The following ADAM12 variants were observed in gnomAD, a reference collection of about 807,000 sequenced individuals.
ADAM12 encodes the protein disintegrin and metalloproteinase domain-containing protein 12.
A neutral mutation model predicts 106.4 loss-of-function variants in ADAM12; 70 were observed. That is an observed-to-expected ratio of 0.66 (90% confidence interval 0.54 to 0.80). The LOEUF (loss-of-function observed/expected upper bound fraction) is 0.80. Among genes scored for constraint, ADAM12 ranks in the 30% least tolerant of loss-of-function variants. The probability of loss-of-function intolerance (pLI) is 0.00; values close to 1 mark genes in which losing one functional copy is unlikely to be tolerated. For synonymous variants in ADAM12, 420 were observed against 433.5 expected, an observed-to-expected ratio of 0.97 and a Z score of 0.39; for missense variants, 1,010 against 1,171.9, an observed-to-expected ratio of 0.86 and a Z score of 2.02.
intron 1 of ADAM12, among the ~76,000 whole-genome samples, chr10:126,370,395 C>T (rs1036494966): frequency 3.3e-5 from 5 of 152,156 alleles, no homozygotes; most frequent in African/African-American, 1.2e-4. Flanking sequence ...TTGAGTCCTG[C>T]ATTTTATTTG....
At chr10:126,234,201 G>C (rs543692718) in intron 3 of ADAM12, among the ~76,000 whole-genome samples, 32 of 152,316 alleles carry the variant, frequency 2.1e-4, no homozygotes, top group South Asian at 2.1e-3. Flanking sequence ...TATCAAAATG[G>C]AATGAGATTC....
At chr10:126,044,164 C>T (rs1002722588) in intron 17 of ADAM12, among the ~76,000 whole-genome samples, 14 of 151,844 alleles carry the variant, frequency 9.2e-5, no homozygotes, top group African/African-American at 3.1e-4. Context: ...AGTCCAGGCA[C>T]GGTGGCTCAT....
chr10:126,230,776 G>A (rs935922044), intron 3 of ADAM12, among the ~76,000 whole-genome samples: 5 of 152,110 alleles, frequency 3.3e-5, no homozygotes, highest in African/African-American at 9.7e-5. Context: ...CTATATTTAT[G>A]CTGCCAATAT....
intron 2 of ADAM12, among the ~76,000 whole-genome samples, chr10:126,297,361 A>C (rs1960427396): frequency 6.6e-6 from 1 of 152,194 alleles, no homozygotes; most frequent in Admixed American, 6.5e-5. Context: ...TGGGCAACAT[A>C]GCAAAAACCC....
At chr10:126,252,975 G>T (rs1324889809) in intron 3 of ADAM12, among the ~76,000 whole-genome samples, 8 of 152,100 alleles carry the variant, frequency 5.3e-5, no homozygotes, top group African/African-American at 1.9e-4. Flanking sequence ...TTCTCTGGAT[G>T]ATTTTTCAAC....
At chr10:126,132,402 G>A (rs1447931856) in intron 5 of ADAM12, among the ~76,000 whole-genome samples, 1 of 152,156 alleles carries the variant, frequency 6.6e-6, no homozygotes, top group Non-Finnish European at 1.5e-5. Flanking sequence ...CAATAGTAAA[G>A]TGTGGATTTC....
At chr10:126,094,507 A>G (rs1323769297) in intron 10 of ADAM12, among the ~76,000 whole-genome samples, 2 of 152,198 alleles carry the variant, frequency 1.3e-5, no homozygotes, top group Admixed American at 6.5e-5. Context: ...TCATTCCTTC[A>G]TGGGCCATAG....
At chr10:126,238,652 A>C (rs1958466205) in intron 3 of ADAM12, among the ~76,000 whole-genome samples, 1 of 152,242 alleles carries the variant, frequency 6.6e-6, no homozygotes, top group Non-Finnish European at 1.5e-5. Context: ...AAAAACATAT[A>C]GACCATTCTA....
chr10:126,131,500 G>C (rs1157577419), intron 5 of ADAM12, among the ~76,000 whole-genome samples: 1 of 152,158 alleles, frequency 6.6e-6, no homozygotes, highest in Non-Finnish European at 1.5e-5. Context: ...CCCATGTGAT[G>C]GTATCGGGAG....
intron 3 of ADAM12, among the ~76,000 whole-genome samples, chr10:126,262,714 T>C (rs1565176080): frequency 1.3e-5 from 2 of 152,202 alleles, no homozygotes; most frequent in Non-Finnish European, 2.9e-5. Flanking sequence ...TCTTCTATCA[T>C]AACTGCTTTA....
chr10:126,380,119 A>G (rs1856438805), intron 1 of ADAM12, among the ~76,000 whole-genome samples: 1 of 152,216 alleles, frequency 6.6e-6, no homozygotes, highest in South Asian at 2.1e-4. Flanking sequence ...AAAAATATCA[A>G]TATGATGCTG....
chr10:126,147,188 A>C (rs1231162950), intron 4 of ADAM12, among the ~76,000 whole-genome samples: 1 of 152,238 alleles, frequency 6.6e-6, no homozygotes, highest in African/African-American at 2.4e-5. Context: ...TCCAGTGAGA[A>C]ACATATACCA....
At chr10:126,227,779 T>G (rs1958227406) in intron 3 of ADAM12, among the ~76,000 whole-genome samples, 1 of 152,048 alleles carries the variant, frequency 6.6e-6, no homozygotes, top group Admixed American at 6.5e-5. Context: ...GAACAATCCT[T>G]CTGACAACCT....
At chr10:126,384,488 A>G (rs1856592848) in intron 1 of ADAM12, among the ~76,000 whole-genome samples, 1 of 152,314 alleles carries the variant, frequency 6.6e-6, no homozygotes, top group East Asian at 1.9e-4. Flanking sequence ...GCGTCTTGGT[A>G]ATAAGGGTAG....
intron 2 of ADAM12, among the ~76,000 whole-genome samples, chr10:126,296,995 G>A (rs750470971): frequency 6.6e-6 from 1 of 152,186 alleles, no homozygotes; most frequent in Non-Finnish European, 1.5e-5. Context: ...ATGAGATGCT[G>A]GTGTTGGTGA....
chr10:126,169,416 G>A (rs986012777), intron 3 of ADAM12, among the ~76,000 whole-genome samples: 3 of 152,148 alleles, frequency 2.0e-5, no homozygotes, highest in Non-Finnish European at 4.4e-5. Flanking sequence ...GTCTGTCTGG[G>A]TCCCTCCCCA....
At chr10:126,357,476 A>G (rs1387450740) in intron 1 of ADAM12, among the ~76,000 whole-genome samples, 1 of 152,186 alleles carries the variant, frequency 6.6e-6, no homozygotes, top group Non-Finnish European at 1.5e-5. Flanking sequence ...GAAAAGCCTG[A>G]TGGCTTTTCT....
chr10:126,222,494 C>T (rs1565148702), intron 3 of ADAM12, among the ~76,000 whole-genome samples: 1 of 150,730 alleles, frequency 6.6e-6, no homozygotes, highest in South Asian at 2.1e-4. Flanking sequence ...AGTGAGTGCT[C>T]GGCATACCAG....
At chr10:126,140,903 C>A (rs1956498037) in intron 4 of ADAM12, among the ~76,000 whole-genome samples, 1 of 152,096 alleles carries the variant, frequency 6.6e-6, no homozygotes, top group South Asian at 2.1e-4. Context: ...GGGGGGTGAC[C>A]CTCTTAGCCA....
Sources: gnomAD v4.1 joint callset for allele counts (sites outside exome capture counted in the v4.1 genomes callset) on GRCh38, gnomAD v4.1.1 for gene constraint, MANE v1.5 for transcripts, NCBI Gene and HGNC (gene_info 2026-07-23, HGNC 2026-07-21) for gene names.